The following PLXNC1 variants were observed in gnomAD, a reference collection of about 807,000 sequenced individuals.
PLXNC1 encodes the protein plexin-C1.
Under a neutral mutation model 178.2 loss-of-function variants are expected in PLXNC1, and 75 were observed. That is an observed-to-expected ratio of 0.42 (90% CI 0.35 to 0.51). The LOEUF (loss-of-function observed/expected upper bound fraction) is 0.51, where lower values mean the gene tolerates loss of function less well. Ranked by LOEUF, PLXNC1 falls within the 20% of genes least tolerant of loss-of-function variation. The probability of loss-of-function intolerance (pLI) is 0.02; values close to 1 mark genes in which losing one functional copy is unlikely to be tolerated. For missense variants in PLXNC1, 1,503 were observed against 1,984.4 expected (o/e 0.76, Z 4.61); for synonymous variants, 790 against 779.9 (o/e 1.01, Z -0.22).
At chr12:94,281,912 C>G (rs1020253535) in intron 22 of PLXNC1, 4 of 208,066 alleles carry the variant, frequency 1.9e-5, no homozygotes, top group African/African-American at 7.1e-5. Flanking sequence ...ATGCCTCCCC[C>G]TCCACCCCGA....
chr12:94,289,771 G>T (rs77480883), intron 23 of PLXNC1, among the ~76,000 whole-genome samples: 6,363 of 152,172 alleles, frequency 0.042, 425 homozygotes, highest in African/African-American at 0.14. Flanking sequence ...CTTTATAATC[G>T]TGTTAAAGTG....
At chr12:94,222,102 T>C (rs903279067) in intron 6 of PLXNC1, among the ~76,000 whole-genome samples, 2 of 152,198 alleles carry the variant, frequency 1.3e-5, no homozygotes, top group African/African-American at 4.8e-5. Context: ...TCCACTTTAC[T>C]TTGTCCACAC....
At chr12:94,219,827 A>G (rs575311672) in intron 5 of PLXNC1, among the ~76,000 whole-genome samples, 189 bp from the exon 6 acceptor site, 6 of 144,666 alleles carry the variant, frequency 4.1e-5, no homozygotes, top group Non-Finnish European at 7.8e-5. Context: ...TTATTTATTT[A>G]TTTATTTATT....
intron 4 of PLXNC1, among the ~76,000 whole-genome samples, chr12:94,189,929 G>A (rs1277751473): frequency 6.6e-6 from 1 of 152,176 alleles, no homozygotes; most frequent in East Asian, 1.9e-4. Context: ...GGAACGAAGG[G>A]AAGTGGCCAG....
At position 94,170,281 on chromosome 12, in the gene PLXNC1, G is replaced by T. The variant is rs757718745; in HGVS notation, c.1203+988G>T. Among the ~76,000 whole-genome samples the T allele has an allele frequency of 6.8e-4, 104 of 152,048 alleles. 1 individual carries two copies. The highest frequency in any genetic ancestry group is 2.2e-3 in the Admixed American group (33 of 15,254). ...GTTCTACTAGACAACCCAGAAAAAC[G>T]CTTTCCTCTTCTGAAAGTCTCTAAT... On this transcript the variant is annotated intron_variant, in intron 2 of 30. Coordinates refer to ENST00000258526, the MANE Select transcript of PLXNC1 (RefSeq NM_005761.3).
At chr12:94,200,783 T>C (rs10859684) in intron 4 of PLXNC1, among the ~76,000 whole-genome samples, 99,097 of 152,106 alleles carry the variant, frequency 0.65, 32,768 homozygotes, top group East Asian at 0.87. Context: ...GTACACTCAT[T>C]GCCCACAAAA....
Position 94,226,645 on chromosome 12 carries a change from A to G in PLXNC1, c.1831A>G (p.Ser611Gly). 1 of 1,614,008 alleles carries G rather than the reference A, an allele frequency of 6.2e-7. No individual in the cohort carries two copies. The highest frequency in any genetic ancestry group is 8.5e-7 in the Non-Finnish European group (1 of 1,179,868). ...CVETGCAWCK[S>G]ARRCIHPFTA... ...AGAAACTGGCTGCGCGTGGTGTAAA[A>G]GTGCAAGAAGGTGTATCCACCCCTT... The change falls in exon 8 of 31, where the codon AGT becomes GGT. Residue 611 changes from serine (S) to glycine (G), a missense_variant. By Grantham distance (56) the Ser-to-Gly change is moderately conservative (BLOSUM62 0). Transcript: ENST00000258526.
chr12:94,302,620 A>C (rs1033352972), intron 28 of PLXNC1, among the ~76,000 whole-genome samples: 3 of 152,196 alleles, frequency 2.0e-5, no homozygotes, highest in African/African-American at 7.2e-5. Context: ...ACAAGTACCA[A>C]ATAAGGTAGT....
intron 5 of PLXNC1, among the ~76,000 whole-genome samples, chr12:94,217,688 AG>A (rs1963684160): frequency 6.6e-6 from 1 of 152,150 alleles, no homozygotes; most frequent in Non-Finnish European, 1.5e-5. Context: ...GCCACTTCTA[AG>A]GGGTACCTTG....
chr12:94,227,425 A>T (rs186826424), intron 9 of PLXNC1, 190 bp downstream of exon 9: 132 of 463,206 alleles, frequency 2.8e-4, no homozygotes, highest in African/African-American at 2.4e-3. Context: ...GGACACTCAC[A>T]TAAAATAAAT....
intron 20 of PLXNC1, among the ~76,000 whole-genome samples, chr12:94,263,228 A>T (rs751836797): frequency 7.2e-5 from 10 of 138,836 alleles, no homozygotes; most frequent in Non-Finnish European, 1.6e-4. Context: ...CCGGGAAGGT[A>T]ATGAAAACTA....
chr12:94,153,434 C>G (rs1462176754), intron 1 of PLXNC1, among the ~76,000 whole-genome samples: 4 of 152,172 alleles, frequency 2.6e-5, no homozygotes, highest in Admixed American at 1.3e-4. Flanking sequence ...TATAACACAC[C>G]TGTGCTTGGA....
rs546971824 is a variant in PLXNC1, at chr12:94,278,768, T to C, written c.3598-704T>C. On this transcript the variant is annotated intron_variant, in intron 21 of 30. Transcript: ENST00000258526. Reference sequence around the variant, plus strand: ...ATCCTAGCACTTTGGGAGGCTGAGGTGGGCAGATCACAAGGTCAGGACTTT... The same window carrying C: ...ATCCTAGCACTTTGGGAGGCTGAGGCGGGCAGATCACAAGGTCAGGACTTT... Among the ~76,000 whole-genome samples the C allele has an allele frequency of 3.3e-5, 5 of 152,062 alleles. 2 individuals are homozygous for C. Among genetic ancestry groups the C allele is most frequent in the African/African-American group, 1.2e-4 (5 of 41,478 alleles).
At chr12:94,219,861 T>C (rs1309743624) in intron 5 of PLXNC1, among the ~76,000 whole-genome samples, 155 bp from the exon 6 acceptor site, 1 of 143,324 alleles carries the variant, frequency 7.0e-6, no homozygotes, top group Non-Finnish European at 1.6e-5. Flanking sequence ...AGGCAGTGTC[T>C]TGCTCTGTCA....
chr12:94,305,527 C>T lies in PLXNC1; in HGVS notation c.*242C>T. The stretch of plus-strand genomic sequence containing the variant: ...TTGAAGTGGTTGTTGCAAACAGCCT[C>T]CTTGTTTACAGAGAATACAAGGCCA... On this transcript the variant is annotated 3_prime_UTR_variant, in exon 31 of 31. Coordinates refer to ENST00000258526, the MANE Select transcript of PLXNC1 (RefSeq NM_005761.3). The T allele has an allele frequency of 4.6e-6, 2 of 436,454 alleles. No individual in the cohort carries two copies. The highest frequency in any genetic ancestry group is 4.1e-6 in the Non-Finnish European group (1 of 242,620). The allele number at this position is 436,454 out of a possible 1,614,324, so 27.0% of individuals were successfully genotyped here.
At chr12:94,210,511 C>T (rs1390208625) in intron 5 of PLXNC1, among the ~76,000 whole-genome samples, 1 of 152,178 alleles carries the variant, frequency 6.6e-6, no homozygotes, top group East Asian at 1.9e-4. Context: ...GTCTGTTGAG[C>T]TCACTGTGTT....
intron 21 of PLXNC1, among the ~76,000 whole-genome samples, chr12:94,277,375 CA>C (rs1966044619): frequency 6.6e-6 from 1 of 152,152 alleles, no homozygotes; most frequent in Non-Finnish European, 1.5e-5. Flanking sequence ...ATATTCAGAT[CA>C]TAGCAGCATT....
intron 26 of PLXNC1, among the ~76,000 whole-genome samples, chr12:94,297,855 A>G (rs1305267551): frequency 1.3e-5 from 2 of 152,246 alleles, no homozygotes; most frequent in South Asian, 2.1e-4. Flanking sequence ...TCATTTTAAA[A>G]TTAAGAATTC....
intron 21 of PLXNC1, among the ~76,000 whole-genome samples, chr12:94,267,526 CAT>C (rs1965312830): frequency 6.6e-6 from 1 of 152,142 alleles, no homozygotes; most frequent in African/African-American, 2.4e-5. Flanking sequence ...CAGAAATCCA[CAT>C]AAATCTTCCT....
Sources: allele counts gnomAD v4.1 joint callset (sites outside exome capture counted in the v4.1 genomes callset), GRCh38; gene constraint gnomAD v4.1.1; transcripts MANE v1.5; gene names NCBI Gene and HGNC (gene_info 2026-07-23, HGNC 2026-07-21).